Variants in TLCD4 observed in about 807,000 individuals in gnomAD.
TLCD4 encodes the protein TLC domain containing 4.
Under a neutral mutation model 24.2 loss-of-function variants are expected in TLCD4, and 7 were observed. The ratio of observed to expected loss-of-function variants is 0.29; its 90% CI spans 0.16 to 0.54. TLCD4 has a LOEUF of 0.54. Ranked by LOEUF, TLCD4 falls within the 20% of genes least tolerant of loss-of-function variation. The pLI is 0.95. For synonymous variants in TLCD4, 103 were observed against 106.4 expected (o/e 0.97, Z 0.20); for missense variants, 259 against 313.9 (o/e 0.82, Z 1.32).
the TLCD4 span, among the ~76,000 whole-genome samples, chr1:95,107,149 C>T: frequency 6.6e-6 from 1 of 152,112 alleles, no homozygotes; most frequent in South Asian, 2.1e-4. Context: ...TTAGGCCGGG[C>T]GCGGTGGCTC....
At chr1:95,119,179 G>T (rs1676507856) in intron 1 of TLCD4, among the ~76,000 whole-genome samples, 1 of 152,176 alleles carries the variant, frequency 6.6e-6, no homozygotes, top group Non-Finnish European at 1.5e-5. Context: ...TTTATACTTG[G>T]AGGTGAACTA....
chr1:95,118,142 A>G (rs1165504810), intron 1 of TLCD4: 1 of 152,132 alleles, frequency 6.6e-6, no homozygotes, highest in Non-Finnish European at 1.5e-5. Flanking sequence ...GCTCTTATTT[A>G]CCCTTGCAGT....
chr1:95,123,642 G>A (rs748160926), intron 1 of TLCD4, among the ~76,000 whole-genome samples: 6 of 152,186 alleles, frequency 3.9e-5, no homozygotes, highest in Non-Finnish European at 7.3e-5. Context: ...AGTTTTGGGG[G>A]TAAGGCCCTC....
intron 5 of TLCD4, among the ~76,000 whole-genome samples, chr1:95,172,328 A>G (rs1678258229): frequency 1.3e-5 from 2 of 152,250 alleles, no homozygotes; most frequent in African/African-American, 4.8e-5. Flanking sequence ...TTGTTTAAAT[A>G]AAAGCATTTA....
At chr1:95,130,009 C>G (rs1057186939) in intron 1 of TLCD4, among the ~76,000 whole-genome samples, 4 of 152,166 alleles carry the variant, frequency 2.6e-5, no homozygotes, top group Non-Finnish European at 4.4e-5. Flanking sequence ...CTATATGTCT[C>G]TTCACATACA....
chr1:95,156,454 C>A (rs1384552582), intron 5 of TLCD4, among the ~76,000 whole-genome samples: 1 of 149,860 alleles, frequency 6.7e-6, no homozygotes, highest in Non-Finnish European at 1.5e-5. Flanking sequence ...TTCAGACTCA[C>A]CAGCCCTGCA....
chr1:95,170,043 A>G (rs908743952), intron 5 of TLCD4, among the ~76,000 whole-genome samples: 72 of 152,220 alleles, frequency 4.7e-4, no homozygotes, highest in African/African-American at 1.7e-3. Flanking sequence ...ATTTTGGCTG[A>G]CCTTAGGAAC....
intron 1 of TLCD4, among the ~76,000 whole-genome samples, chr1:95,139,455 A>ATTTTTTTTTTTTTTTTTTTTTT (rs200337389): frequency 3.2e-5 from 3 of 93,992 alleles, no homozygotes; most frequent in Non-Finnish European, 4.1e-5. Context: ...TAAACCTTTG[A>ATTTTTTTTTTTTTTTTTTTTTT]TTTTTTTTTT....
At chr1:95,118,401 C>T (rs74568685) in intron 1 of TLCD4, among the ~76,000 whole-genome samples, 15,644 of 152,042 alleles carry the variant, frequency 0.1, 1,287 homozygotes, top group African/African-American at 0.21. Context: ...TGTTGCTGGT[C>T]TGTATATTTT....
chr1:95,118,786 T>G (rs1389472179), intron 1 of TLCD4, among the ~76,000 whole-genome samples: 2 of 152,206 alleles, frequency 1.3e-5, no homozygotes, highest in Non-Finnish European at 2.9e-5. Context: ...CTTGCTTATC[T>G]TTTCCTTAAA....
At chr1:95,168,023 A>C (rs949374334) in intron 5 of TLCD4, among the ~76,000 whole-genome samples, 3 of 152,168 alleles carry the variant, frequency 2.0e-5, no homozygotes, top group African/African-American at 7.2e-5. Context: ...TCACCCCAAC[A>C]GTATCAAATG....
intron 1 of TLCD4, among the ~76,000 whole-genome samples, chr1:95,130,702 C>T (rs551083226): frequency 5.9e-5 from 9 of 152,074 alleles, no homozygotes; most frequent in African/African-American, 2.2e-4. Context: ...CTTTTACATC[C>T]TAGAGTGTTA....
At chr1:95,136,774 G>A (rs992493181) in intron 1 of TLCD4, among the ~76,000 whole-genome samples, 16 of 152,154 alleles carry the variant, frequency 1.1e-4, no homozygotes, top group Admixed American at 1.0e-3. Context: ...GGATTTGTTG[G>A]TCAGTTATTT....
chr1:95,165,679 T>C (rs1677995216), intron 5 of TLCD4, among the ~76,000 whole-genome samples: 1 of 152,162 alleles, frequency 6.6e-6, no homozygotes, highest in Non-Finnish European at 1.5e-5. Flanking sequence ...GTTGGCAGGC[T>C]GGTCTCAAAG....
chr1:95,106,665 C>A, the TLCD4 span, among the ~76,000 whole-genome samples: 6,952 of 152,210 alleles, frequency 0.046, 208 homozygotes, highest in Middle Eastern at 0.088. Flanking sequence ...TACACTCCAA[C>A]CTGAGTGACA....
chr1:95,126,613 G>T (rs1429963632), intron 1 of TLCD4, among the ~76,000 whole-genome samples: 1 of 152,182 alleles, frequency 6.6e-6, no homozygotes, highest in African/African-American at 2.4e-5. Flanking sequence ...TCAAGTGGGT[G>T]CCTTCAGCTA....
chr1:95,099,628 T>C, the TLCD4 span, among the ~76,000 whole-genome samples: 2 of 152,214 alleles, frequency 1.3e-5, no homozygotes, highest in South Asian at 2.1e-4. Flanking sequence ...ATTGCATATA[T>C]ATACATTCAT....
intron 4 of TLCD4, among the ~76,000 whole-genome samples, chr1:95,150,936 TATTC>T (rs981741295): frequency 7.2e-5 from 11 of 152,292 alleles, no homozygotes; most frequent in African/African-American, 2.6e-4. Flanking sequence ...GGAAACAAGT[TATTC>T]ATTTATGCTT....
Position 95,148,239 on chromosome 1 carries a change from GT to G in TLCD4, c.156-459del, listed in dbSNP as rs78739811. ...CTTCATATCATGATCCATTCGAATT[GT>G]TTTAAGGATATGGAGTTTGTTAAAG... On this transcript the variant is annotated intron_variant, in intron 2 of 6. Transcript: ENST00000370203. Among the ~76,000 whole-genome samples, 385 of 152,280 alleles carry G rather than the reference GT, an allele frequency of 2.5e-3. 1 individual carries two copies. The East Asian group carries it at 0.03, about 12-fold the overall frequency.
Sources: gnomAD v4.1 joint callset for allele counts (sites outside exome capture counted in the v4.1 genomes callset) on GRCh38, gnomAD v4.1.1 for gene constraint, MANE v1.5 for transcripts, NCBI Gene and HGNC (gene_info 2026-07-23, HGNC 2026-07-21) for gene names.